The following FBXO11 variants were observed in gnomAD, a reference collection of about 807,000 sequenced individuals.
The protein encoded by FBXO11 is F-box only protein 11.
Under a neutral mutation model 117.0 loss-of-function variants are expected in FBXO11, and 13 were observed. The ratio of observed to expected loss-of-function variants is 0.11; its 90% CI spans 0.07 to 0.18. FBXO11 has a LOEUF of 0.18. FBXO11 is among the 10% of genes least tolerant of loss of function. FBXO11 has a pLI of 1.00. For synonymous variants in FBXO11, 490 were observed against 380.5 expected (o/e 1.29, Z -3.35); for missense variants, 767 against 1,164.4 (o/e 0.66, Z 4.97).
At chr2:47,894,867 A>G (rs992394777) in intron 1 of FBXO11, among the ~76,000 whole-genome samples, 1 of 152,192 alleles carries the variant, frequency 6.6e-6, no homozygotes, top group Non-Finnish European at 1.5e-5. Context: ...TGAAAATGGG[A>G]AAGAACACAG....
chr2:47,898,662 CAGA>C (rs1460914978), intron 1 of FBXO11, among the ~76,000 whole-genome samples: 1 of 152,112 alleles, frequency 6.6e-6, no homozygotes, highest in Non-Finnish European at 1.5e-5. Flanking sequence ...AAATTATAAT[CAGA>C]AGATTACTTG....
chr2:47,903,745 G>T (rs999797848), intron 1 of FBXO11, among the ~76,000 whole-genome samples: 1 of 152,098 alleles, frequency 6.6e-6, no homozygotes, highest in Non-Finnish European at 1.5e-5. Flanking sequence ...AATATTAAAG[G>T]CTAGAATTTC....
chr2:47,855,184 C>A (rs1674186451), intron 1 of FBXO11, among the ~76,000 whole-genome samples: 2 of 151,938 alleles, frequency 1.3e-5, no homozygotes, highest in Admixed American at 1.3e-4. Flanking sequence ...GGGAAAATGA[C>A]AGACTAGGTA....
chr2:47,824,415 C>A (rs1671601295), intron 11 of FBXO11, among the ~76,000 whole-genome samples: 2 of 152,086 alleles, frequency 1.3e-5, no homozygotes, highest in Admixed American at 1.3e-4. Context: ...CTGTTTGAGC[C>A]TGGGAGGTTG....
intron 11 of FBXO11, among the ~76,000 whole-genome samples, chr2:47,828,494 C>A (rs986338941): frequency 1.3e-5 from 2 of 151,920 alleles, no homozygotes; most frequent in Admixed American, 1.3e-4. Flanking sequence ...TGTACTCCCA[C>A]CTACTCGGGA....
At chr2:47,904,649 C>A (rs999462740) in intron 1 of FBXO11, among the ~76,000 whole-genome samples, 5 of 151,224 alleles carry the variant, frequency 3.3e-5, no homozygotes, top group African/African-American at 1.2e-4. Flanking sequence ...CAGTTCTAAG[C>A]AAGGGGCGTT....
At chr2:47,881,170 T>A (rs1471535618) in intron 1 of FBXO11, among the ~76,000 whole-genome samples, 1 of 152,210 alleles carries the variant, frequency 6.6e-6, no homozygotes, top group Non-Finnish European at 1.5e-5. Flanking sequence ...TAGAATCACT[T>A]GAACCCGGGA....
At chr2:47,833,619 A>T (rs1405144762) in intron 7 of FBXO11, among the ~76,000 whole-genome samples, 1 of 152,220 alleles carries the variant, frequency 6.6e-6, no homozygotes, top group Admixed American at 6.5e-5. Context: ...AAAACCACAA[A>T]TCTTCAAATG....
chr2:47,859,977 T>C (rs1486385553), intron 1 of FBXO11, among the ~76,000 whole-genome samples: 2 of 152,172 alleles, frequency 1.3e-5, no homozygotes, highest in Admixed American at 1.3e-4. Flanking sequence ...CTTGCTGTCA[T>C]GTTGCTGTTT....
chr2:47,831,178 A>G (rs986907711), intron 11 of FBXO11, among the ~76,000 whole-genome samples: 1 of 151,596 alleles, frequency 6.6e-6, no homozygotes, highest in Non-Finnish European at 1.5e-5. Context: ...GGACTTTGGG[A>G]GGCCGAGGCA....
intron 1 of FBXO11, among the ~76,000 whole-genome samples, chr2:47,873,318 T>C (rs1053573619): frequency 2.0e-5 from 3 of 152,194 alleles, no homozygotes; most frequent in Non-Finnish European, 4.4e-5. Flanking sequence ...GCTTTCCGCC[T>C]TGATGGTAAA....
intron 1 of FBXO11, among the ~76,000 whole-genome samples, chr2:47,874,867 CTTTT>C (rs377037169): frequency 1.6e-5 from 2 of 128,894 alleles, no homozygotes; most frequent in African/African-American, 2.9e-5. Flanking sequence ...TGTCTCAGGA[CTTTT>C]TTTTTTTTTT....
In FBXO11 at chr2:47,834,803, T is replaced by C. The variant is rs1374117296; in HGVS notation, c.786A>G (p.Gly262=). 9 of 1,613,262 alleles carry C rather than the reference T, an allele frequency of 5.6e-6. No homozygotes were observed. Among genetic ancestry groups the C allele is most frequent in the Non-Finnish European group, 7.6e-6 (9 of 1,179,636 alleles). The part of the protein sequence containing the change: ...HFYSNPARYK[G]RENMLYYDTI... Reference sequence around the variant, plus strand: ...TCAAACATACCAACATATTTTCTCTTCCTTTATATCTTGCAGGGTTACTGT... The same window carrying C: ...TCAAACATACCAACATATTTTCTCTCCCTTTATATCTTGCAGGGTTACTGT... The change falls in exon 6 of 23, where the codon GGA becomes GGG. Residue 262 remains glycine, a synonymous_variant. Transcript: ENST00000403359.
intron 1 of FBXO11, among the ~76,000 whole-genome samples, chr2:47,862,644 A>G (rs1674866431): frequency 6.6e-6 from 1 of 152,214 alleles, no homozygotes; most frequent in South Asian, 2.1e-4. Flanking sequence ...TGCACAATGT[A>G]TAATTCTCTC....
At chr2:47,862,811 T>G (rs1674877463) in intron 1 of FBXO11, among the ~76,000 whole-genome samples, 1 of 152,008 alleles carries the variant, frequency 6.6e-6, no homozygotes, top group African/African-American at 2.4e-5. Flanking sequence ...TCCCAGCACT[T>G]TCGGAGGCTG....
intron 1 of FBXO11, among the ~76,000 whole-genome samples, chr2:47,902,091 A>T (rs1678341131): frequency 6.6e-6 from 1 of 151,960 alleles, no homozygotes; most frequent in Admixed American, 6.6e-5. Context: ...GTGAGCCGCC[A>T]TGCCTGGCTC....
At chr2:47,901,043 A>G (rs1358253832) in intron 1 of FBXO11, among the ~76,000 whole-genome samples, 1 of 136,198 alleles carries the variant, frequency 7.3e-6, no homozygotes, top group Non-Finnish European at 1.6e-5. Context: ...ACACGTGTGT[A>G]CATATATACA....
intron 1 of FBXO11, among the ~76,000 whole-genome samples, chr2:47,839,975 G>A (rs986502192): frequency 2.6e-5 from 4 of 150,958 alleles, no homozygotes; most frequent in Non-Finnish European, 5.9e-5. Context: ...ACAGAGTCTC[G>A]CTCTGTCGCC....
Position 47,807,077 on chromosome 2 carries a change from C to CAGGCTGT in FBXO11, c.*1034_*1040dup. ...ATGTTATGGTACATGCATACACTTT[C>CAGGCTGT]AGGCTGTTTTATACCCACTGTCACC... On this transcript the variant is annotated 3_prime_UTR_variant, in exon 23 of 23. Transcript: ENST00000403359. The CAGGCTGT allele has an allele frequency of 1.8e-6, 1 of 549,860 alleles. No homozygotes were observed. The highest frequency in any genetic ancestry group is 1.9e-5 in the African/African-American group (1 of 52,980). The allele number at this position is 549,860 out of a possible 1,614,324, so 34.1% of individuals were successfully genotyped here.
Sources: allele counts gnomAD v4.1 joint callset (sites outside exome capture counted in the v4.1 genomes callset), GRCh38; gene constraint gnomAD v4.1.1; transcripts MANE v1.5; gene names NCBI Gene and HGNC (gene_info 2026-07-23, HGNC 2026-07-21).